ADGRV1: variants seen among roughly 807,000 people sequenced by gnomAD.
ADGRV1 encodes the protein adhesion G protein-coupled receptor V1.
Under a neutral mutation model 596.2 loss-of-function variants are expected in ADGRV1, and 359 were observed. The ratio of observed to expected loss-of-function variants is 0.60; its 90% CI spans 0.55 to 0.66. ADGRV1 has a LOEUF of 0.66. Ranked by LOEUF, ADGRV1 falls within the 30% of genes least tolerant of loss-of-function variation. The pLI, the probability that ADGRV1 is intolerant of heterozygous loss-of-function variation, is 0.00. For missense variants in ADGRV1, 7,274 were observed against 7,575.6 expected (o/e 0.96, Z 1.48); for synonymous variants, 2,681 against 2,679.2 (o/e 1.00, Z -0.02).
chr5:90,939,654 A>G (rs1414195611), intron 83 of ADGRV1, among the ~76,000 whole-genome samples: 1 of 152,240 alleles, frequency 6.6e-6, no homozygotes, highest in Admixed American at 6.5e-5. Context: ...AATAATATTT[A>G]GAATTCATAA....
chr5:90,824,109 A>T (rs926047122), intron 76 of ADGRV1, among the ~76,000 whole-genome samples: 1 of 151,192 alleles, frequency 6.6e-6, no homozygotes, highest in Non-Finnish European at 1.5e-5. Context: ...TTATATTACA[A>T]TAACATTTCT....
Position 90,692,699 on chromosome 5 carries a change from A to G in ADGRV1, c.7046A>G (p.Tyr2349Cys), listed in dbSNP as rs759153780. The G allele has an allele frequency of 2.5e-6, 4 of 1,610,774 alleles. No homozygotes were observed. The Admixed American group carries it at 6.7e-5, about 27-fold the overall frequency. Reference sequence around the variant, plus strand: ...ATTATTCCTGCCAATGATGATCCTTATGGTACAGTAGCCTTTGCTCAGATG... The same window carrying G: ...ATTATTCCTGCCAATGATGATCCTTGTGGTACAGTAGCCTTTGCTCAGATG... ...NIIIPANDDP[Y>C]GTVAFAQMVY... The change falls in exon 32 of 90, where the codon TAT becomes TGT. Residue 2349 changes from tyrosine to cysteine, a missense_variant. By Grantham distance (194) the Tyr-to-Cys change is radical. Transcript: ENST00000405460.
intron 85 of ADGRV1, among the ~76,000 whole-genome samples, chr5:91,041,388 A>G (rs931968258): frequency 1.3e-5 from 2 of 152,166 alleles, no homozygotes; most frequent in Admixed American, 1.3e-4. Flanking sequence ...ATACAGGAAC[A>G]GAAAACCAAA....
intron 87 of ADGRV1, among the ~76,000 whole-genome samples, chr5:91,138,501 TC>T (rs1433981056): frequency 1.3e-5 from 2 of 152,158 alleles, no homozygotes; most frequent in Non-Finnish European, 2.9e-5. Context: ...AACTCCTAGG[TC>T]CCTTGTTTCA....
chr5:90,833,526 C>G (rs1475084422), intron 77 of ADGRV1, among the ~76,000 whole-genome samples: 2 of 152,150 alleles, frequency 1.3e-5, no homozygotes, highest in Non-Finnish European at 2.9e-5. Context: ...CTCAAGCAAT[C>G]CACCAACTTC....
rs1185427044 is a variant in ADGRV1, at chr5:90,823,426, G to A, written c.16198G>A (p.Ala5400Thr). ...CATTGGTGGGTTTCTTGCTCACAGGGCCTTTGAAGATGTCAAGGTCTTTTG... is the reference window on the plus strand; with the variant it reads ...CATTGGTGGGTTTCTTGCTCACAGGACCTTTGAAGATGTCAAGGTCTTTTG... Reference protein sequence around the residue: ...HLIVTRQPNRAFEDVKVFWRV... With the variant: ...HLIVTRQPNRTFEDVKVFWRV... The change falls in exon 76 of 90, where the codon GCC (alanine) becomes ACC (threonine). Residue 5400 changes from alanine to threonine, a missense_variant and splice_region_variant. By Grantham distance (58) the Ala-to-Thr change is moderately conservative. Transcript: ENST00000405460. 6.2e-7 allele frequency: 1 copy of A among 1,613,548 alleles called. No individual in the cohort carries two copies.
intron 5 of ADGRV1, among the ~76,000 whole-genome samples, chr5:90,624,220 C>T (rs1455729084): frequency 6.6e-6 from 1 of 152,092 alleles, no homozygotes; most frequent in Non-Finnish European, 1.5e-5. Flanking sequence ...ACTAAATATG[C>T]AGTAGTCTTG....
rs188646822 is a variant in ADGRV1 at position 90,869,519 on chromosome 5, G to A, written c.17856+5662G>A. On this transcript the variant is annotated intron_variant, in intron 83 of 89. Coordinates refer to ENST00000405460, the MANE Select transcript of ADGRV1 (RefSeq NM_032119.4). The stretch of plus-strand genomic sequence containing the variant: ...TAAAGAAGGTAAGAGACTCTAATTA[G>A]GGAGAGTAGAGAGGTTGGGTGGACT... Among the ~76,000 whole-genome samples the A allele has an allele frequency of 1.6e-3, 241 of 152,278 alleles. 1 individual carries two copies. The highest frequency in any genetic ancestry group is 5.3e-3 in the African/African-American group (219 of 41,568).
intron 86 of ADGRV1, among the ~76,000 whole-genome samples, chr5:91,099,859 A>G (rs1791215729): frequency 6.6e-6 from 1 of 152,186 alleles, no homozygotes; most frequent in Non-Finnish European, 1.5e-5. Flanking sequence ...AGTAAAACAG[A>G]TCTAAATGTG....
intron 57 of ADGRV1, among the ~76,000 whole-genome samples, chr5:90,757,870 C>A (rs1756009181): frequency 6.6e-6 from 1 of 152,060 alleles, no homozygotes; most frequent in South Asian, 2.1e-4. Context: ...CTACAGGTAG[C>A]CTTATTTTGG....
chr5:90,973,508 C>G (rs768193931), intron 84 of ADGRV1, among the ~76,000 whole-genome samples: 1 of 152,162 alleles, frequency 6.6e-6, no homozygotes, highest in East Asian at 1.9e-4. Flanking sequence ...CCACCATGAT[C>G]AAGTGGACTT....
intron 13 of ADGRV1, 49 bp downstream of exon 13, chr5:90,643,090 T>G: frequency 7.0e-7 from 1 of 1,433,640 alleles, no homozygotes; most frequent in South Asian, 1.2e-5. Flanking sequence ...ATTGATAGTA[T>G]TTGGTATATT....
chr5:90,771,971 G>C (rs149904566), intron 59 of ADGRV1, among the ~76,000 whole-genome samples: 3 of 152,068 alleles, frequency 2.0e-5, no homozygotes, highest in African/African-American at 7.2e-5. Context: ...ACTATCTTTC[G>C]TAACCATTGG....
intron 59 of ADGRV1, 60 bp downstream of exon 59, chr5:90,763,529 C>T (rs774652927): frequency 5.2e-5 from 79 of 1,515,456 alleles, no homozygotes; most frequent in Non-Finnish European, 7.0e-5. Context: ...TTTTCTTTTT[C>T]CTTTTTATTG....
chr5:91,041,550 G>A (rs1390526145), intron 85 of ADGRV1, among the ~76,000 whole-genome samples: 1 of 151,740 alleles, frequency 6.6e-6, no homozygotes, highest in Non-Finnish European at 1.5e-5. Context: ...ACGGGTTGAT[G>A]GGTGCAGTAA....
At chr5:91,139,103 G>A (rs1468578830) in intron 87 of ADGRV1, among the ~76,000 whole-genome samples, 1 of 152,130 alleles carries the variant, frequency 6.6e-6, no homozygotes. Context: ...TCAGGGCATA[G>A]TTTACACCTA....
At chr5:90,603,899 C>T (rs1253146682) in intron 1 of ADGRV1, among the ~76,000 whole-genome samples, 4 of 139,090 alleles carry the variant, frequency 2.9e-5, no homozygotes, top group African/African-American at 5.2e-5. Context: ...TGCCTGCACA[C>T]ACGTGTGTGC....
At chr5:90,758,946 A>G (rs1756139831) in intron 57 of ADGRV1, among the ~76,000 whole-genome samples, 1 of 152,192 alleles carries the variant, frequency 6.6e-6, no homozygotes, top group Non-Finnish European at 1.5e-5. Context: ...TAATTGTAGA[A>G]GACTGGTAAT....
At chr5:90,710,517 G>T (rs1749194084) in intron 39 of ADGRV1, among the ~76,000 whole-genome samples, 1 of 151,940 alleles carries the variant, frequency 6.6e-6, no homozygotes, top group African/African-American at 2.4e-5. Context: ...ACTTCTGTTT[G>T]TGTCCATGTC....
Sources: gnomAD v4.1 joint callset for allele counts (sites outside exome capture counted in the v4.1 genomes callset) on GRCh38, gnomAD v4.1.1 for gene constraint, MANE v1.5 for transcripts, NCBI Gene and HGNC (gene_info 2026-07-23, HGNC 2026-07-21) for gene names.